The following NELL1 variants were observed in gnomAD, a reference collection of about 807,000 sequenced individuals.
NELL1 encodes protein kinase C-binding protein NELL1.
NELL1 carries 76 observed loss-of-function variants against 107.4 expected under a neutral mutation model. The ratio of observed to expected loss-of-function variants is 0.71; its 90% CI spans 0.59 to 0.86. The LOEUF (loss-of-function observed/expected upper bound fraction) is 0.86, where lower values mean the gene tolerates loss of function less well. NELL1 is among the 40% of genes least tolerant of loss of function. The pLI is 0.00. For synonymous variants in NELL1, 353 were observed against 341.2 expected (o/e 1.03, Z -0.38); for missense variants, 1,024 against 1,005.5 (o/e 1.02, Z -0.25).
chr11:20,669,723 G>T lies in NELL1; in HGVS notation c.-1G>T, dbSNP rs1388391471. On this transcript the variant is annotated 5_prime_UTR_variant, in exon 1 of 20. Transcript: ENST00000357134. The surrounding 1 kb of genome is among the most constrained non-coding windows in gnomAD (Gnocchi z 4.4). Reference sequence around the variant, plus strand: ...CTGCTAGGCGGGGACCCTCGAGAGCGATGCCGATGGATTTGATTTTAGTTG... The same window carrying T: ...CTGCTAGGCGGGGACCCTCGAGAGCTATGCCGATGGATTTGATTTTAGTTG... The T allele has an allele frequency of 6.2e-7, 1 of 1,613,368 alleles. No individual in the cohort carries two copies. The highest frequency in any genetic ancestry group is 1.3e-5 in the African/African-American group (1 of 75,014).
chr11:20,894,029 G>T (rs188668893), intron 5 of NELL1, among the ~76,000 whole-genome samples: 320 of 152,198 alleles, frequency 2.1e-3, no homozygotes, highest in Non-Finnish European at 4.0e-3. Context: ...AGAATAGCAG[G>T]CATGGATGGC....
chr11:20,705,225 A>G (rs1854913111), intron 2 of NELL1, among the ~76,000 whole-genome samples: 1 of 152,198 alleles, frequency 6.6e-6, no homozygotes, highest in Admixed American at 6.5e-5. Flanking sequence ...AGCCAAAAGA[A>G]CAAAGCTGGA....
intron 12 of NELL1, among the ~76,000 whole-genome samples, chr11:20,970,162 G>T (rs1590477607): frequency 6.6e-6 from 1 of 152,072 alleles, no homozygotes; most frequent in South Asian, 2.1e-4. Context: ...TAGAGTCATT[G>T]TGGGCTTTAT....
chr11:21,010,584 C>T (rs1229146382), intron 12 of NELL1, among the ~76,000 whole-genome samples: 7 of 152,016 alleles, frequency 4.6e-5, no homozygotes, highest in Admixed American at 4.6e-4. Context: ...TTCCTTCTTC[C>T]TCAAAATCAA....
chr11:21,074,662 G>A (rs551522163), intron 12 of NELL1, among the ~76,000 whole-genome samples: 106 of 106,002 alleles, frequency 1.0e-3, no homozygotes, highest in African/African-American at 4.0e-3. Context: ...AGCCTTGGGT[G>A]GAATTTACAC....
intron 2 of NELL1, among the ~76,000 whole-genome samples, chr11:20,718,690 CAT>C (rs1483671851): frequency 1.4e-4 from 22 of 152,222 alleles, no homozygotes; most frequent in African/African-American, 5.3e-4. Flanking sequence ...GATTTCTGTG[CAT>C]AGTGTTTTTC....
intron 15 of NELL1, among the ~76,000 whole-genome samples, chr11:21,407,489 C>A (rs1267059173): frequency 6.6e-6 from 1 of 151,916 alleles, no homozygotes. Context: ...AGGTTATAGT[C>A]ATTTGGCCAG....
At chr11:21,544,351 C>G (rs982088216) in intron 16 of NELL1, among the ~76,000 whole-genome samples, 3 of 151,820 alleles carry the variant, frequency 2.0e-5, no homozygotes, top group Non-Finnish European at 4.4e-5. Context: ...CAAAAATAAT[C>G]AGCTTACATA....
At chr11:21,537,644 G>C (rs544133641) in intron 16 of NELL1, among the ~76,000 whole-genome samples, 82 of 151,634 alleles carry the variant, frequency 5.4e-4, no homozygotes, top group Middle Eastern at 6.9e-3. Flanking sequence ...CCTCAAACAA[G>C]TTGTTTGAGG....
chr11:20,717,089 C>T (rs192897120), intron 2 of NELL1, among the ~76,000 whole-genome samples: 1 of 152,290 alleles, frequency 6.6e-6, no homozygotes, highest in East Asian at 1.9e-4. Context: ...CAATATACAT[C>T]TTCATGCATA....
Position 20,960,544 on chromosome 11 carries a change from C to A in NELL1, c.1284C>A (p.Asp428Glu), listed in dbSNP as rs769140462. ...GTGGTTACATCTCTGTCCAGGGAGA[C>A]TCTGCCTACTGTGAAGGTAAGTAAG... The part of the protein sequence containing the change: ...CKSGYISVQG[D>E]SAYCEDIDEC... The change falls in exon 12 of 20, where the codon GAC (aspartate) becomes GAA (glutamate). Residue 428 changes from aspartate to glutamate, a missense_variant. Asp to Glu is a conservative substitution (Grantham distance 45). Transcript: ENST00000357134. 3 of 1,613,872 alleles carry A rather than the reference C, an allele frequency of 1.9e-6. No individual in the cohort carries two copies. The highest frequency in any genetic ancestry group is 1.3e-5 in the African/African-American group (1 of 75,040).
chr11:20,830,004 T>C (rs546724571), intron 3 of NELL1, among the ~76,000 whole-genome samples: 1 of 152,298 alleles, frequency 6.6e-6, no homozygotes, highest in African/African-American at 2.4e-5. Flanking sequence ...CTGGGCGCAG[T>C]GGCTCATGCC....
chr11:21,391,583 T>G (rs943691203), intron 15 of NELL1, among the ~76,000 whole-genome samples: 1 of 151,762 alleles, frequency 6.6e-6, no homozygotes, highest in Admixed American at 6.6e-5. Flanking sequence ...GAGGAGACAT[T>G]TCATCAACAT....
intron 13 of NELL1, among the ~76,000 whole-genome samples, chr11:21,128,048 C>G (rs967995505): frequency 6.6e-6 from 1 of 152,198 alleles, no homozygotes; most frequent in East Asian, 1.9e-4. Flanking sequence ...ACTCAACCAG[C>G]CCAACACAGG....
intron 12 of NELL1, among the ~76,000 whole-genome samples, chr11:21,028,774 T>C (rs1852882718): frequency 6.6e-6 from 1 of 152,218 alleles, no homozygotes; most frequent in Admixed American, 6.6e-5. Flanking sequence ...GCAGTGTTTA[T>C]TGAGGAATTG....
At chr11:21,262,907 C>A in intron 14 of NELL1, among the ~76,000 whole-genome samples, 1 of 151,788 alleles carries the variant, frequency 6.6e-6, no homozygotes, top group East Asian at 1.9e-4. Context: ...TGATGCTGGA[C>A]TTTCTGATTT....
At chr11:21,243,226 C>T (rs942922289) in intron 14 of NELL1, among the ~76,000 whole-genome samples, 7 of 152,034 alleles carry the variant, frequency 4.6e-5, no homozygotes, top group Admixed American at 2.0e-4. Context: ...GAATAATGAA[C>T]GAATCTAAGG....
chr11:21,233,679 T>G (rs1286641312), intron 14 of NELL1, among the ~76,000 whole-genome samples: 3 of 152,238 alleles, frequency 2.0e-5, no homozygotes, highest in African/African-American at 7.2e-5. Flanking sequence ...CAAGTCAGAT[T>G]TGCATTACCT....
At chr11:20,799,543 CCTT>C (rs1198647644) in intron 3 of NELL1, among the ~76,000 whole-genome samples, 2 of 152,160 alleles carry the variant, frequency 1.3e-5, no homozygotes, top group Admixed American at 1.3e-4. Flanking sequence ...CTCCTTTCCC[CCTT>C]CTTATTGATT....
Sources: allele counts gnomAD v4.1 joint callset (sites outside exome capture counted in the v4.1 genomes callset), GRCh38; gene constraint gnomAD v4.1.1; non-coding constraint Gnocchi (gnomAD v3.1); transcripts MANE v1.5; gene names NCBI Gene and HGNC (gene_info 2026-07-23, HGNC 2026-07-21).